The following OPHN1 variants were observed in gnomAD, a reference collection of about 807,000 sequenced individuals.
The protein encoded by OPHN1 is oligophrenin-1.
OPHN1 carries 11 observed loss-of-function variants against 60.7 expected under a neutral mutation model. That is an observed-to-expected ratio of 0.18 (90% CI 0.11 to 0.30). The LOEUF is 0.30. OPHN1 is among the 10% of genes least tolerant of loss of function. The pLI is 1.00. For missense variants in OPHN1, 449 were observed against 611.0 expected (o/e 0.73, Z 2.80); for synonymous variants, 226 against 222.6 (o/e 1.02, Z -0.14).
At chrX:68,209,895 G>T (rs2077576662) in intron 9 of OPHN1, among the ~76,000 whole-genome samples, 1 of 111,001 alleles carries the variant, frequency 9.0e-6, no homozygotes, top group East Asian at 2.8e-4. Flanking sequence ...AAGGATTAAA[G>T]AACAAATAAT....
intron 19 of OPHN1, among the ~76,000 whole-genome samples, chrX:68,079,266 C>A (rs1487215847): frequency 9.0e-6 from 1 of 110,922 alleles, no homozygotes; most frequent in African/African-American, 3.3e-5. Context: ...CCAAGCTACT[C>A]TCCACTGCCA....
At chrX:68,418,737 T>C (rs959452310) in intron 2 of OPHN1, among the ~76,000 whole-genome samples, 1 of 112,044 alleles carries the variant, frequency 8.9e-6, no homozygotes, top group African/African-American at 3.2e-5. Flanking sequence ...GACCATTATC[T>C]GCCCTTGGTG....
Position 68,063,923 on chromosome X carries a change from C to A in OPHN1, c.2089G>T (p.Gly697Trp). ...TGGAAAGAGGGGGTCTTGGTGGGCC[C>A]AGAGCCTGGCATGGGTCCATTGGTG... ...KATNGPMPGS[G>W]PTKTPSFHIK... Residue 697 changes from glycine to tryptophan, a missense_variant, in exon 21 of 25, where the codon GGG (glycine) becomes TGG (tryptophan). Gly to Trp is a radical substitution (Grantham distance 184). Coordinates refer to ENST00000355520, the MANE Select transcript of OPHN1 (RefSeq NM_002547.3). The A allele has an allele frequency of 8.4e-7, 1 of 1,196,442 alleles. No individual in the cohort carries two copies. Among genetic ancestry groups the A allele is most frequent in the Non-Finnish European group, 1.1e-6 (1 of 887,027 alleles).
chrX:68,139,083 G>T (rs894128949), intron 15 of OPHN1, among the ~76,000 whole-genome samples: 4 of 111,217 alleles, frequency 3.6e-5, no homozygotes, highest in Non-Finnish European at 7.5e-5. Flanking sequence ...AGAATCAGAA[G>T]AACGCGGAAT....
chrX:68,241,251 CTT>C (rs1430885691), intron 5 of OPHN1, among the ~76,000 whole-genome samples: 1 of 111,792 alleles, frequency 8.9e-6, no homozygotes, highest in East Asian at 2.8e-4. Flanking sequence ...GATATTGTCA[CTT>C]ATTTTTCCTG....
chrX:68,418,267 T>C (rs926708356), intron 2 of OPHN1, among the ~76,000 whole-genome samples: 3 of 111,190 alleles, frequency 2.7e-5, no homozygotes, highest in African/African-American at 9.8e-5. Flanking sequence ...GGAGGGCAAT[T>C]TTCAAAACAA....
intron 15 of OPHN1, among the ~76,000 whole-genome samples, chrX:68,174,416 G>A (rs1032968877): frequency 1.8e-5 from 2 of 109,148 alleles, no homozygotes; most frequent in Admixed American, 2.0e-4. Flanking sequence ...CTAATATTTA[G>A]GATGAGAATT....
intron 15 of OPHN1, among the ~76,000 whole-genome samples, chrX:68,120,735 A>C (rs2077147121): frequency 8.9e-6 from 1 of 112,401 alleles, no homozygotes; most frequent in African/African-American, 3.2e-5. Context: ...CTGACTTCAA[A>C]ATATATTATG....
chrX:68,094,674 A>G (rs900122410), intron 19 of OPHN1, among the ~76,000 whole-genome samples: 1 of 110,912 alleles, frequency 9.0e-6, no homozygotes, highest in Admixed American at 9.6e-5. Context: ...CCCCCCTTCT[A>G]TCTTACCCAG....
intron 5 of OPHN1, among the ~76,000 whole-genome samples, chrX:68,250,749 A>C (rs780995984): frequency 8.9e-6 from 1 of 112,248 alleles, no homozygotes; most frequent in East Asian, 2.8e-4. Context: ...ACTTCTTAGA[A>C]GAATATCTGG....
At chrX:68,306,606 C>T (rs370703172) in intron 2 of OPHN1, among the ~76,000 whole-genome samples, 2 of 111,969 alleles carry the variant, frequency 1.8e-5, no homozygotes, top group African/African-American at 6.5e-5. Flanking sequence ...TAAAGTAGGT[C>T]GTCAATGTTA....
intron 3 of OPHN1, among the ~76,000 whole-genome samples, chrX:68,298,636 C>T (rs977542786): frequency 8.9e-6 from 1 of 111,949 alleles, no homozygotes; most frequent in African/African-American, 3.2e-5. Flanking sequence ...TTAACACTTT[C>T]TAGGGAAATT....
chrX:68,130,951 C>T (rs762955862), intron 15 of OPHN1, among the ~76,000 whole-genome samples: 2 of 110,827 alleles, frequency 1.8e-5, no homozygotes, highest in South Asian at 3.8e-4. Context: ...CTGGTAGATT[C>T]GAGCCTTGGG....
chrX:68,374,045 G>A (rs780752751), intron 2 of OPHN1, among the ~76,000 whole-genome samples: 65 of 111,542 alleles, frequency 5.8e-4, no homozygotes, highest in Non-Finnish European at 1.1e-3. Context: ...CTAGGGTTAG[G>A]TGAAATATTC....
At chrX:68,082,598 G>A (rs1190745222) in intron 19 of OPHN1, among the ~76,000 whole-genome samples, 2 of 112,429 alleles carry the variant, frequency 1.8e-5, no homozygotes, top group East Asian at 5.6e-4. Context: ...TGAGCAGTAG[G>A]TCTCAAGAGT....
At chrX:68,216,634 A>C (rs1431978424) in intron 6 of OPHN1, among the ~76,000 whole-genome samples, 1 of 111,500 alleles carries the variant, frequency 9.0e-6, no homozygotes, top group East Asian at 2.8e-4. Flanking sequence ...AAAATAAATA[A>C]ATGAGACTTA....
chrX:68,330,257 C>T (rs992411150), intron 2 of OPHN1, among the ~76,000 whole-genome samples: 3 of 110,084 alleles, frequency 2.7e-5, no homozygotes, highest in Non-Finnish European at 3.8e-5. Context: ...CACCATCATG[C>T]CCAGCTAATT....
chrX:68,193,266 T>C (rs1038725594), intron 14 of OPHN1, among the ~76,000 whole-genome samples: 1 of 111,966 alleles, frequency 8.9e-6, no homozygotes, highest in Non-Finnish European at 1.9e-5. Flanking sequence ...AGCAGAAAGC[T>C]GAGAATGGTG....
At chrX:68,299,758 T>C (rs1202388754) in intron 2 of OPHN1, among the ~76,000 whole-genome samples, 1 of 112,336 alleles carries the variant, frequency 8.9e-6, no homozygotes, top group Non-Finnish European at 1.9e-5. Context: ...TTTTGGTCAA[T>C]GATTTTGAAT....
Sources: gnomAD v4.1 joint callset for allele counts (sites outside exome capture counted in the v4.1 genomes callset) on GRCh38, gnomAD v4.1.1 for gene constraint, MANE v1.5 for transcripts, NCBI Gene and HGNC (gene_info 2026-07-23, HGNC 2026-07-21) for gene names.